Variants in PDGFA observed in about 807,000 individuals in gnomAD.
PDGFA encodes the protein platelet derived growth factor subunit A.
PDGFA carries 9 observed loss-of-function variants against 25.6 expected under a neutral mutation model. That is an observed-to-expected ratio of 0.35 (90% CI 0.21 to 0.61). PDGFA has a LOEUF of 0.61. PDGFA is among the 20% of genes least tolerant of loss of function. The probability of loss-of-function intolerance (pLI) is 0.75; values close to 1 mark genes in which losing one functional copy is unlikely to be tolerated. For missense variants in PDGFA, 242 were observed against 272.8 expected, an observed-to-expected ratio of 0.89 and a Z score of 0.79; for synonymous variants, 133 against 111.8, an observed-to-expected ratio of 1.19 and a Z score of -1.20.
At chr7:512,961 C>G (rs1464990199) in intron 2 of PDGFA, 3 of 228,020 alleles carry the variant, frequency 1.3e-5, no homozygotes, top group Admixed American at 9.9e-5. Flanking sequence ...CCTCCCTCCC[C>G]CTCACTAAAG....
intron 4 of PDGFA, among the ~76,000 whole-genome samples, chr7:509,638 C>T (rs1026478747): frequency 6.6e-6 from 1 of 152,138 alleles, no homozygotes; most frequent in Non-Finnish European, 1.5e-5. Context: ...TAGTGCCCTT[C>T]GAAAGCAGCC....
intron 4 of PDGFA, among the ~76,000 whole-genome samples, chr7:503,612 G>C (rs1405639174): frequency 6.6e-6 from 1 of 152,214 alleles, no homozygotes; most frequent in African/African-American, 2.4e-5. Context: ...AGGGCCCCCA[G>C]GGAGAAGGTC....
intron 2 of PDGFA, chr7:512,757 G>T: frequency 9.7e-7 from 1 of 1,034,214 alleles, no homozygotes; most frequent in Non-Finnish European, 1.3e-6. Context: ...GAGGTTGCAG[G>T]TGGTCTCCCC....
chr7:500,737 C>A lies in PDGFA; in HGVS notation c.580+379G>T. ...GGGGTGAAGGAGAGACCCCAGCCAG[C>A]CAGGGCAACTGCAGTCCTCGAACCT... On this transcript the variant is annotated intron_variant, in intron 5 of 5. Transcript: ENST00000402802. The surrounding 1 kb of genome is among the most constrained non-coding windows in gnomAD (Gnocchi z 5.0). 2 of 1,437,306 alleles carry A rather than the reference C, an allele frequency of 1.4e-6. No homozygotes were observed. Among genetic ancestry groups the A allele is most frequent in the South Asian group, 2.9e-5 (2 of 68,076 alleles). 89.0% of individuals were successfully genotyped at this position (1,437,306 alleles called of 1,614,324 possible).
In PDGFA at chr7:506,917, GAA is replaced by G. The variant is rs199643769; in HGVS notation, c.453+3890_453+3891del. Among the ~76,000 whole-genome samples, 1,283 of 152,292 alleles carry G rather than the reference GAA, an allele frequency of 8.4e-3. 18 individuals carry two copies. The highest frequency in any genetic ancestry group is 0.03 in the African/African-American group (1,241 of 41,562). ...GTTGACCGGAAAGGCATAAAAACTG[GAA>G]ATGGGGGATGCCATGCCCATCCTGG... On this transcript the variant is annotated intron_variant, in intron 4 of 5. Transcript: ENST00000402802.
chr7:497,959 C>CAAAAAAAAAAAAAA (rs1166606050), exon 6 of PDGFA: 1 of 56,686 alleles, frequency 1.8e-5, no homozygotes, highest in Non-Finnish European at 3.0e-5. Context: ...AAAAAAAAAA[C>CAAAAAAAAAAAAAA]AAAAAAAAAA....
intron 4 of PDGFA, among the ~76,000 whole-genome samples, chr7:505,747 T>G (rs918490509): frequency 1.3e-5 from 2 of 152,152 alleles, no homozygotes; most frequent in Non-Finnish European, 2.9e-5. Context: ...ATCCCTAGCC[T>G]GCACTCCTTC....
chr7:512,732 G>T, intron 2 of PDGFA: 1 of 1,209,730 alleles, frequency 8.3e-7, no homozygotes, highest in Non-Finnish European at 1.1e-6. Flanking sequence ...ACGAAGCGCA[G>T]GGCCCTTCGG....
rs552241606 is a variant in PDGFA, at chr7:500,341, G to A, written c.580+775C>T. 2.8e-5 allele frequency: 40 copies of A among 1,441,904 alleles called. No homozygotes were observed. Among genetic ancestry groups the A allele is most frequent in the Middle Eastern group, 1.7e-4 (1 of 5,726 alleles). The allele number at this position is 1,441,904 out of a possible 1,614,324, so 89.3% of individuals were successfully genotyped here. On this transcript the variant is annotated intron_variant, in intron 5 of 5. Coordinates refer to ENST00000402802, the Ensembl canonical transcript of PDGFA. This position sits in a 1 kb window ranked among gnomAD's most constrained non-coding sequence, Gnocchi z 5.0. Reference sequence around the variant, plus strand: ...TCAGGGCCACATCCCCGCCGCACCCGGCGAGACAGGAAGCGTGATTTGCTG... The same window carrying A: ...TCAGGGCCACATCCCCGCCGCACCCAGCGAGACAGGAAGCGTGATTTGCTG...
intron 5 of PDGFA, 96 bp from the exon 6 acceptor site, chr7:498,670 A>T: frequency 2.6e-6 from 3 of 1,146,718 alleles, no homozygotes; most frequent in African/African-American, 1.5e-5. Context: ...GGGTGAAAAC[A>T]TTTAACCCAA....
exon 6 of PDGFA, chr7:497,407 C>G (rs895755677): frequency 1.1e-4 from 16 of 152,158 alleles, no homozygotes; most frequent in African/African-American, 3.6e-4. Context: ...TCTGTTAATA[C>G]AGGTAAAGCA....
At chr7:508,119 C>T (rs150342449) in intron 4 of PDGFA, among the ~76,000 whole-genome samples, 37 of 152,232 alleles carry the variant, frequency 2.4e-4, no homozygotes, top group Middle Eastern at 3.4e-3. Flanking sequence ...GACGAGGAAA[C>T]GACCCGGCTG....
intron 4 of PDGFA, among the ~76,000 whole-genome samples, chr7:507,225 G>A (rs1377385703): frequency 1.3e-5 from 2 of 152,244 alleles, no homozygotes; most frequent in East Asian, 1.9e-4. Context: ...GGGAGAAGAC[G>A]CCTCCCAGAA....
chr7:503,439 C>T lies in PDGFA; in HGVS notation c.454-2197G>A, dbSNP rs141905981. On this transcript the variant is annotated intron_variant, in intron 4 of 5. Coordinates refer to ENST00000402802, the Ensembl canonical transcript of PDGFA. ...GAGCACAGGGGCGTGGGGGAATGCA[C>T]GCTGCTGGGTGAATGAGGAGACCTC... is the stretch of plus-strand genomic sequence containing the variant. Among the ~76,000 whole-genome samples, 556 of 152,210 alleles carry T rather than the reference C, an allele frequency of 3.7e-3. 2 individuals carry two copies. Among genetic ancestry groups the T allele is most frequent in the African/African-American group, 0.011 (473 of 41,534 alleles).
exon 6 of PDGFA, chr7:497,869 TAAAAAAAAA>T (rs377428492): frequency 8.0e-5 from 2 of 24,982 alleles, no homozygotes; most frequent in Non-Finnish European, 1.3e-4. Flanking sequence ...AAGAGATAAT[TAAAAAAAAA>T]AAAAAAAAAA....
chr7:513,144 C>G (rs944657406), intron 2 of PDGFA: 6 of 155,454 alleles, frequency 3.9e-5, no homozygotes, highest in African/African-American at 1.2e-4. Flanking sequence ...GTTCCCGCAG[C>G]CTGACAGAGG....
intron 4 of PDGFA, among the ~76,000 whole-genome samples, chr7:504,559 C>T (rs188351588): frequency 2.6e-5 from 4 of 152,308 alleles, no homozygotes; most frequent in African/African-American, 7.2e-5. Context: ...CAGCCTCACA[C>T]CCTGCCATCT....
At position 517,386 on chromosome 7, in the gene PDGFA, C is replaced by G; in HGVS notation, c.160+8G>C. The G allele has an allele frequency of 7.5e-7, 1 of 1,340,784 alleles. No homozygotes were observed. Among genetic ancestry groups the G allele is most frequent in the Non-Finnish European group, 9.8e-7 (1 of 1,021,658 alleles). 83.1% of individuals were successfully genotyped at this position (1,340,784 alleles called of 1,614,324 possible). A position where few individuals can be genotyped will look rare whatever the true frequency, so the allele number is the denominator to read the frequency against. On this transcript the variant is annotated splice_region_variant and intron_variant, in intron 2 of 5. Coordinates refer to ENST00000402802, the Ensembl canonical transcript of PDGFA. This position sits in a 1 kb window ranked among gnomAD's most constrained non-coding sequence, Gnocchi z 7.4. The stretch of plus-strand genomic sequence containing the variant: ...TCCCCGCGCGCGGAGGGAAGGGGCG[C>G]GATTTACCTACGGAGTCTATCTCCA...
At chr7:499,884 TC>T (rs1459131729) in intron 5 of PDGFA, among the ~76,000 whole-genome samples, 2 of 151,856 alleles carry the variant, frequency 1.3e-5, no homozygotes, top group African/African-American at 4.8e-5. Flanking sequence ...TGCTCTGCAA[TC>T]CCACCCTTAG....
Sources: gnomAD v4.1 joint callset for allele counts (sites outside exome capture counted in the v4.1 genomes callset) on GRCh38, gnomAD v4.1.1 for gene constraint, Gnocchi (gnomAD v3.1) non-coding constraint, MANE v1.5 for transcripts, NCBI Gene and HGNC (gene_info 2026-07-23, HGNC 2026-07-21) for gene names.